The following RNGTT variants were observed in gnomAD, a reference collection of about 807,000 sequenced individuals.
RNGTT encodes the protein mRNA-capping enzyme.
A neutral mutation model predicts 79.3 loss-of-function variants in RNGTT; 33 were observed. The ratio of observed to expected loss-of-function variants is 0.42; its 90% CI spans 0.32 to 0.56. The LOEUF (loss-of-function observed/expected upper bound fraction) is 0.56. Ranked by LOEUF, RNGTT falls within the 20% of genes least tolerant of loss-of-function variation. RNGTT has a pLI of 0.17. For missense variants in RNGTT, 497 were observed against 739.1 expected (o/e 0.67, Z 3.80); for synonymous variants, 222 against 235.9 (o/e 0.94, Z 0.54).
In RNGTT at chr6:88,963,194, C is replaced by G; in HGVS notation, c.64+152G>C. The stretch of plus-strand genomic sequence containing the variant: ...CGACCATCCCCTCCCGTTCATGTTC[C>G]CATTCATCCACGAAGCGTAATCCGA... On this transcript the variant is annotated intron_variant, in intron 1 of 15. Transcript: ENST00000369485. The G allele has an allele frequency of 5.7e-6, 4 of 702,424 alleles. No homozygotes were observed. The Middle Eastern group carries it at 7.3e-4, about 129-fold the overall frequency. The allele number at this position is 702,424 out of a possible 1,614,324, so 43.5% of individuals were successfully genotyped here. A position where few individuals can be genotyped will look rare whatever the true frequency, so the allele number is the denominator to read the frequency against.
chr6:88,681,310 T>C (rs1391193524), intron 13 of RNGTT, among the ~76,000 whole-genome samples: 1 of 152,180 alleles, frequency 6.6e-6, no homozygotes, highest in East Asian at 1.9e-4. Flanking sequence ...AATAACTACC[T>C]TTCCCTAAAT....
chr6:88,848,447 A>G (rs1425843146), intron 10 of RNGTT, among the ~76,000 whole-genome samples: 2 of 146,278 alleles, frequency 1.4e-5, no homozygotes, highest in Non-Finnish European at 2.9e-5. Context: ...ATAAAAGCAA[A>G]AAATGGAAAC....
rs143997652 is a variant in RNGTT, at chr6:88,688,398, T to C, written c.1440-9979A>G. Among the ~76,000 whole-genome samples the C allele has an allele frequency of 3.9e-5, 6 of 152,336 alleles. No individual in the cohort carries two copies. The East Asian group carries it at 1.2e-3, about 29-fold the overall frequency. ...CACGTAGGTGCTTGTTAGTATATGA[T>C]ACATTCCTAGCTCTGTCAACAGAGA... On this transcript the variant is annotated intron_variant, in intron 13 of 15. Transcript: ENST00000369485.
At chr6:88,949,160 A>AAAAAAAAAAAAAAAAAAAAAAAAG (rs1562077168) in intron 1 of RNGTT, among the ~76,000 whole-genome samples, 3 of 35,068 alleles carry the variant, frequency 8.6e-5, no homozygotes, top group African/African-American at 3.0e-4. Flanking sequence ...AAATAAAATG[A>AAAAAAAAAAAAAAAAAAAAAAAAG]AAAAAAAAAA....
At chr6:88,680,306 G>A (rs948006977) in intron 13 of RNGTT, among the ~76,000 whole-genome samples, 1 of 152,158 alleles carries the variant, frequency 6.6e-6, no homozygotes. Context: ...ATAACCAGGT[G>A]ATTGTTGTGA....
rs997518709 is a variant in RNGTT at position 88,818,844 on chromosome 6, A to C, written c.1270-17212T>G. Among the ~76,000 whole-genome samples the C allele has an allele frequency of 5.3e-5, 8 of 152,352 alleles. No individual in the cohort carries two copies. The East Asian group carries it at 9.6e-4, about 18-fold the overall frequency. Reference sequence around the variant, plus strand: ...CAATAAATGACTGCAAAATTTAATCATTATGTTTTTTCTATACAGAGCTAT... The same window carrying C: ...CAATAAATGACTGCAAAATTTAATCCTTATGTTTTTTCTATACAGAGCTAT... On this transcript the variant is annotated intron_variant, in intron 11 of 15. Transcript: ENST00000369485.
At chr6:88,959,899 G>A (rs922986285) in intron 1 of RNGTT, among the ~76,000 whole-genome samples, 2 of 152,140 alleles carry the variant, frequency 1.3e-5, no homozygotes, top group African/African-American at 4.8e-5. Context: ...CACTTTTTCA[G>A]TCTATTATCT....
chr6:88,705,426 T>C (rs1457682136), intron 13 of RNGTT, among the ~76,000 whole-genome samples: 2 of 151,824 alleles, frequency 1.3e-5, no homozygotes, highest in Admixed American at 1.3e-4. Flanking sequence ...CCCTAAAATA[T>C]TTTGGTATGC....
intron 11 of RNGTT, among the ~76,000 whole-genome samples, chr6:88,819,215 A>C (rs189075180): frequency 6.6e-6 from 1 of 152,312 alleles, no homozygotes; most frequent in African/African-American, 2.4e-5. Context: ...ATAAAAGATA[A>C]AGTCATTTTT....
At chr6:88,676,747 T>G (rs1774890551) in intron 14 of RNGTT, among the ~76,000 whole-genome samples, 1 of 152,148 alleles carries the variant, frequency 6.6e-6, no homozygotes, top group African/African-American at 2.4e-5. Flanking sequence ...AACCCAATTT[T>G]AAAATAACAA....
chr6:88,763,191 C>A (rs1778330190), intron 13 of RNGTT, among the ~76,000 whole-genome samples: 1 of 151,098 alleles, frequency 6.6e-6, no homozygotes, highest in Admixed American at 6.6e-5. Context: ...ACTATGCCCA[C>A]CTCAGACATC....
At chr6:88,830,885 C>G (rs1204005150) in intron 11 of RNGTT, among the ~76,000 whole-genome samples, 1 of 152,098 alleles carries the variant, frequency 6.6e-6, no homozygotes, top group Non-Finnish European at 1.5e-5. Context: ...AAGACTAAAC[C>G]AGGAAGAAGT....
chr6:88,927,800 C>T (rs976070076), intron 4 of RNGTT, among the ~76,000 whole-genome samples: 1 of 150,512 alleles, frequency 6.6e-6, no homozygotes. Flanking sequence ...CTCCACTGCA[C>T]TCCAGCCTGG....
intron 2 of RNGTT, among the ~76,000 whole-genome samples, chr6:88,933,853 TACTC>T (rs1044952487): frequency 1.1e-4 from 16 of 152,244 alleles, no homozygotes; most frequent in African/African-American, 3.6e-4. Flanking sequence ...TTTGGATAAA[TACTC>T]AGTAGTGAAA....
chr6:88,820,071 G>C lies in RNGTT; in HGVS notation c.1270-18439C>G, dbSNP rs185666612. Among the ~76,000 whole-genome samples the C allele has an allele frequency of 2.2e-3, 337 of 152,198 alleles. 1 individual carries two copies. Among genetic ancestry groups the C allele is most frequent in the African/African-American group, 7.7e-3 (319 of 41,552 alleles). ...TTTTAGACTTGGAAAACCAAGCAAAGAGTATTAAGAATTTAAGCCCTGAAA... is the reference window on the plus strand; with the variant it reads ...TTTTAGACTTGGAAAACCAAGCAAACAGTATTAAGAATTTAAGCCCTGAAA... On this transcript the variant is annotated intron_variant, in intron 11 of 15. Coordinates refer to ENST00000369485, the MANE Select transcript of RNGTT (RefSeq NM_003800.5).
chr6:88,732,612 G>A (rs373707841), intron 13 of RNGTT, among the ~76,000 whole-genome samples: 2 of 152,164 alleles, frequency 1.3e-5, no homozygotes, highest in African/African-American at 4.8e-5. Flanking sequence ...GCCTGAGTGT[G>A]CATTGACAAA....
At chr6:88,888,124 A>G (rs1424339041) in intron 8 of RNGTT, among the ~76,000 whole-genome samples, 2 of 152,174 alleles carry the variant, frequency 1.3e-5, no homozygotes, top group Non-Finnish European at 2.9e-5. Context: ...TCTCAAAAAA[A>G]TAAGATAATA....
At chr6:88,751,879 C>T (rs1236271931) in intron 13 of RNGTT, among the ~76,000 whole-genome samples, 1 of 152,106 alleles carries the variant, frequency 6.6e-6, no homozygotes, top group East Asian at 1.9e-4. Flanking sequence ...AGCTCCACCA[C>T]TATATGTATG....
At chr6:88,667,624 G>A (rs1298717958) in intron 14 of RNGTT, among the ~76,000 whole-genome samples, 1 of 152,150 alleles carries the variant, frequency 6.6e-6, no homozygotes, top group Non-Finnish European at 1.5e-5. Flanking sequence ...GAAAGCTCGT[G>A]AAGTAACCCG....
Sources: gnomAD v4.1 joint callset for allele counts (sites outside exome capture counted in the v4.1 genomes callset) on GRCh38, gnomAD v4.1.1 for gene constraint, MANE v1.5 for transcripts, NCBI Gene and HGNC (gene_info 2026-07-23, HGNC 2026-07-21) for gene names.